CNNM2: variants seen among roughly 807,000 people sequenced by gnomAD.
The protein encoded by CNNM2 is metal transporter CNNM2.
Under a neutral mutation model 66.9 loss-of-function variants are expected in CNNM2, and 12 were observed. That is an observed-to-expected ratio of 0.18 (90% CI 0.11 to 0.29). The LOEUF is 0.29. CNNM2 is among the 10% of genes least tolerant of loss of function. The pLI is 1.00. For missense variants in CNNM2, 705 were observed against 1,167.7 expected, an observed-to-expected ratio of 0.60 and a Z score of 5.77; for synonymous variants, 557 against 501.8, an observed-to-expected ratio of 1.11 and a Z score of -1.47.
chr10:102,986,518 C>CA (rs1170740571), intron 1 of CNNM2, among the ~76,000 whole-genome samples: 1 of 152,020 alleles, frequency 6.6e-6, no homozygotes, highest in Non-Finnish European at 1.5e-5. Flanking sequence ...CGCGGTGGCT[C>CA]ACGCCTGTAA....
At chr10:103,068,976 C>T (rs2065527506) in intron 5 of CNNM2, among the ~76,000 whole-genome samples, 1 of 152,230 alleles carries the variant, frequency 6.6e-6, no homozygotes, top group Non-Finnish European at 1.5e-5. Flanking sequence ...CACAGAACTC[C>T]CATCACGCTC....
chr10:103,032,296 CAAAA>C (rs773709624), intron 1 of CNNM2, among the ~76,000 whole-genome samples: 1 of 151,840 alleles, frequency 6.6e-6, no homozygotes, highest in Non-Finnish European at 1.5e-5. Context: ...CTAAAAAAGA[CAAAA>C]AACAGCTGGG....
intron 1 of CNNM2, among the ~76,000 whole-genome samples, chr10:103,016,523 C>T (rs373065301): frequency 2.0e-5 from 3 of 152,040 alleles, no homozygotes; most frequent in East Asian, 3.9e-4. Context: ...CTTACATCTA[C>T]CCCCCACTTA....
At position 103,005,181 on chromosome 10, in the gene CNNM2, T is replaced by A. The variant is rs372721431; in HGVS notation, c.1622-44526T>A. The stretch of plus-strand genomic sequence containing the variant: ...CCACCCACCTCGGCTCCCAAAGTGA[T>A]AGGATTACAGACCTGAGCCACTGTG... On this transcript the variant is annotated intron_variant, in intron 1 of 7. Coordinates refer to ENST00000369878, the MANE Select transcript of CNNM2 (RefSeq NM_017649.5). Among the ~76,000 whole-genome samples, 21,216 of 151,878 alleles carry A rather than the reference T, an allele frequency of 0.14. 1,668 individuals are homozygous for A. The highest frequency in any genetic ancestry group is 0.19 in the East Asian group (981 of 5,134).
chr10:102,931,472 C>T (rs1293773371), intron 1 of CNNM2, among the ~76,000 whole-genome samples: 1 of 151,590 alleles, frequency 6.6e-6, no homozygotes, highest in Non-Finnish European at 1.5e-5. Context: ...ATTCTCCTGC[C>T]TCAGCCTCCC....
At chr10:103,015,571 C>T (rs1007522930) in intron 1 of CNNM2, among the ~76,000 whole-genome samples, 4 of 151,996 alleles carry the variant, frequency 2.6e-5, no homozygotes, top group African/African-American at 7.3e-5. Flanking sequence ...GAAAGGTGCC[C>T]GGCCGGCTGC....
chr10:102,926,261 G>A (rs774742971), intron 1 of CNNM2, among the ~76,000 whole-genome samples: 1 of 152,154 alleles, frequency 6.6e-6, no homozygotes, highest in Non-Finnish European at 1.5e-5. Context: ...AAGTTATTGC[G>A]TTACTAGGAT....
intron 1 of CNNM2, among the ~76,000 whole-genome samples, chr10:102,970,228 A>G (rs1223330371): frequency 6.6e-6 from 1 of 152,054 alleles, no homozygotes; most frequent in East Asian, 1.9e-4. Context: ...AGGTGGGAGG[A>G]TTGTTTGAGC....
chr10:102,936,410 G>GA (rs1236799386), intron 1 of CNNM2, among the ~76,000 whole-genome samples: 1 of 151,984 alleles, frequency 6.6e-6, no homozygotes, highest in Admixed American at 6.6e-5. Context: ...ACTAAGCAGA[G>GA]AAAAAACCCT....
At chr10:102,941,686 C>T (rs1052951865) in intron 1 of CNNM2, among the ~76,000 whole-genome samples, 5 of 152,196 alleles carry the variant, frequency 3.3e-5, no homozygotes, top group African/African-American at 1.2e-4. Flanking sequence ...CAGATATCCC[C>T]GCTGTGGCCA....
chr10:103,063,441 T>C (rs1397658946), intron 4 of CNNM2, among the ~76,000 whole-genome samples: 5 of 152,226 alleles, frequency 3.3e-5, no homozygotes, highest in African/African-American at 1.2e-4. Context: ...ATGTGGCGCA[T>C]GGGGAAGTCC....
At chr10:102,953,122 G>A (rs1004235974) in intron 1 of CNNM2, among the ~76,000 whole-genome samples, 2 of 152,138 alleles carry the variant, frequency 1.3e-5, no homozygotes, top group South Asian at 2.1e-4. Context: ...CATGACTTGA[G>A]ATTTCTCAGT....
chr10:103,060,859 A>G (rs1178753393), intron 4 of CNNM2, among the ~76,000 whole-genome samples: 1 of 152,162 alleles, frequency 6.6e-6, no homozygotes, highest in East Asian at 1.9e-4. Context: ...TTTAATTTAA[A>G]AATAGAGCTA....
At chr10:102,934,279 C>CTTTT (rs35361809) in intron 1 of CNNM2, among the ~76,000 whole-genome samples, 4 of 133,674 alleles carry the variant, frequency 3.0e-5, no homozygotes, top group Admixed American at 7.9e-5. Flanking sequence ...TTCTTTCTTT[C>CTTTT]TTTTTTTTTT....
intron 1 of CNNM2, among the ~76,000 whole-genome samples, chr10:102,955,552 C>T (rs1334275314): frequency 6.6e-6 from 1 of 152,178 alleles, no homozygotes; most frequent in African/African-American, 2.4e-5. Flanking sequence ...AGAGCTTCTG[C>T]ACAGCCAAAG....
chr10:103,037,666 A>C lies in CNNM2; in HGVS notation c.1622-12041A>C, dbSNP rs7073323. 0.31 allele frequency among the ~76,000 whole-genome samples: 46,843 copies of C among 151,884 alleles called. 7,347 individuals carry two copies. Among genetic ancestry groups the C allele is most frequent in the Middle Eastern group, 0.36 (107 of 294 alleles). On this transcript the variant is annotated intron_variant, in intron 1 of 7. Coordinates refer to ENST00000369878, the MANE Select transcript of CNNM2 (RefSeq NM_017649.5). ...ACATAAAGTATAAGTACAAAGGAAA[A>C]CTCTAGAAATGTGGAGAGGGTAGTT...
chr10:102,963,584 T>C (rs1351770867), intron 1 of CNNM2, among the ~76,000 whole-genome samples: 1 of 152,222 alleles, frequency 6.6e-6, no homozygotes, highest in Non-Finnish European at 1.5e-5. Flanking sequence ...CAACTTTGAT[T>C]CAAGGCTGAT....
intron 1 of CNNM2, 88 bp from the exon 2 acceptor site, chr10:103,049,619 G>T (rs1212304764): frequency 5.5e-5 from 66 of 1,206,264 alleles, no homozygotes; most frequent in Non-Finnish European, 5.9e-6. Context: ...CGACATCTGT[G>T]TTTGCTGGTG....
At chr10:103,018,990 G>A (rs796426684) in intron 1 of CNNM2, among the ~76,000 whole-genome samples, 18 of 150,164 alleles carry the variant, frequency 1.2e-4, no homozygotes, top group African/African-American at 3.6e-4. Context: ...ATTTACGGCC[G>A]GGTGCAGTGG....
Sources: allele counts gnomAD v4.1 joint callset (sites outside exome capture counted in the v4.1 genomes callset), GRCh38; gene constraint gnomAD v4.1.1; transcripts MANE v1.5; gene names NCBI Gene and HGNC (gene_info 2026-07-23, HGNC 2026-07-21).